The following ATP6V1D variants were observed in gnomAD, a reference collection of about 807,000 sequenced individuals.
ATP6V1D encodes V-type proton ATPase subunit D.
A neutral mutation model predicts 39.4 loss-of-function variants in ATP6V1D; 20 were observed. That is an observed-to-expected ratio of 0.51 (90% CI 0.36 to 0.74). The LOEUF (loss-of-function observed/expected upper bound fraction) is 0.74. Ranked by LOEUF, ATP6V1D falls within the 30% of genes least tolerant of loss-of-function variation. The pLI is 0.00. For synonymous variants in ATP6V1D, 100 were observed against 100.5 expected (o/e 0.99, Z 0.03); for missense variants, 228 against 291.6 (o/e 0.78, Z 1.59).
intron 6 of ATP6V1D, among the ~76,000 whole-genome samples, chr14:67,344,896 CA>C (rs550821782): frequency 6.7e-5 from 10 of 148,870 alleles, no homozygotes; most frequent in Non-Finnish European, 1.5e-4. Context: ...AAAAAACAAA[CA>C]AACAAACAAA....
At position 67,352,958 on chromosome 14, in the gene ATP6V1D, G is replaced by A. The variant is rs777979181; in HGVS notation, c.124C>T (p.Leu42Phe). The A allele has an allele frequency of 2.5e-6, 4 of 1,613,272 alleles. No individual in the cohort carries two copies. The East Asian group carries it at 8.9e-5, about 36-fold the overall frequency. ...LLKKKSDALT[L>F]RFRQILKKII... The stretch of plus-strand genomic sequence containing the variant: ...TTCTTTAGGATCTGTCGAAATCGAA[G>A]AGTTAAGGCATCAGATTTTTTCTTC... The change falls in exon 2 of 9, where the codon CTT becomes TTT. Residue 42 changes from leucine (L) to phenylalanine (F), a missense_variant. By Grantham distance (22) the Leu-to-Phe change is conservative. Transcript: ENST00000216442.
At chr14:67,355,862 T>C (rs559866211) in intron 1 of ATP6V1D, among the ~76,000 whole-genome samples, 3 of 150,270 alleles carry the variant, frequency 2.0e-5, no homozygotes, top group South Asian at 4.2e-4. Context: ...TACCTGGGCA[T>C]GGTAGGGCAC....
At chr14:67,347,498 C>CTA in intron 4 of ATP6V1D, 45 bp from the exon 5 acceptor site, 2 of 1,292,304 alleles carry the variant, frequency 1.5e-6, no homozygotes, top group South Asian at 1.4e-5. Flanking sequence ...CCTTTAAGTT[C>CTA]TCTCTTTTTT....
intron 6 of ATP6V1D, among the ~76,000 whole-genome samples, chr14:67,344,959 G>C (rs536091331): frequency 7.9e-5 from 12 of 151,734 alleles, no homozygotes; most frequent in African/African-American, 2.9e-4. Flanking sequence ...GAAGAAGCAG[G>C]GGCCGGGTGT....
intron 8 of ATP6V1D, among the ~76,000 whole-genome samples, chr14:67,339,630 G>C (rs968793891): frequency 1.3e-5 from 2 of 152,074 alleles, no homozygotes; most frequent in African/African-American, 4.8e-5. Context: ...TTCTCTCCAA[G>C]TGCTGTGCTA....
Position 67,353,005 on chromosome 14 carries a change from G to A in ATP6V1D, c.77C>T (p.Ala26Val), listed in dbSNP as rs761204674. The change falls in exon 2 of 9, where the codon GCA becomes GTA. Residue 26 changes from alanine to valine, a missense_variant. By Grantham distance (64) the Ala-to-Val change is moderately conservative. Around this residue, in one of 3 missense-constraint regions of ATP6V1D, gnomAD observed 104 missense variants for 120.2 expected, o/e 0.87. Transcript: ENST00000216442. Reference protein sequence around the residue: ...QTIMKARLKGAQTGRNLLKKK... With the variant: ...QTIMKARLKGVQTGRNLLKKK... ...CTTCAGGAGGTTTCGACCTGTCTGT[G>A]CTCCCTTTAAACGAGCCTTCATGAT... 1.2e-6 allele frequency: 2 copies of A among 1,613,858 alleles called. No homozygotes were observed. The highest frequency in any genetic ancestry group is 2.7e-5 in the African/African-American group (2 of 74,902).
At chr14:67,358,974 T>C (rs138465628) in intron 1 of ATP6V1D, among the ~76,000 whole-genome samples, 1,703 of 152,270 alleles carry the variant, frequency 0.011, 20 homozygotes, top group Middle Eastern at 0.017. Flanking sequence ...CACAGTCTAG[T>C]GGGAGAGAAA....
In ATP6V1D at chr14:67,353,050, C is replaced by G; in HGVS notation, c.42-10G>C. 6.3e-7 allele frequency: 1 copy of G among 1,588,148 alleles called. No homozygotes were observed. Among genetic ancestry groups the G allele is most frequent in the Non-Finnish European group, 8.6e-7 (1 of 1,166,128 alleles). ...CATGATGGTCTGTGCCCTATATAAACATAAACAAAGTTAAGACATCTATTC... is the reference window on the plus strand; with the variant it reads ...CATGATGGTCTGTGCCCTATATAAAGATAAACAAAGTTAAGACATCTATTC... On this transcript the variant is annotated splice_polypyrimidine_tract_variant and intron_variant, in intron 1 of 8. Coordinates refer to ENST00000216442, the MANE Select transcript of ATP6V1D (RefSeq NM_015994.4).
chr14:67,340,726 C>G (rs535331028), intron 7 of ATP6V1D, among the ~76,000 whole-genome samples: 1 of 152,180 alleles, frequency 6.6e-6, no homozygotes, highest in Non-Finnish European at 1.5e-5. Context: ...GATGCCGAGC[C>G]GAAGCTGGAC....
At chr14:67,340,645 T>G in intron 7 of ATP6V1D, 127 bp from the exon 8 acceptor site, 1 of 784,052 alleles carries the variant, frequency 1.3e-6, no homozygotes. Flanking sequence ...TGCAGAGAAC[T>G]TGGAAAATAA....
chr14:67,354,707 G>A (rs774985669), intron 1 of ATP6V1D, among the ~76,000 whole-genome samples: 2 of 152,210 alleles, frequency 1.3e-5, no homozygotes, highest in Non-Finnish European at 2.9e-5. Context: ...GCAGAGAATA[G>A]TTCTAGAAAG....
At chr14:67,355,829 CAA>C (rs755032476) in intron 1 of ATP6V1D, among the ~76,000 whole-genome samples, 2 of 130,512 alleles carry the variant, frequency 1.5e-5, no homozygotes, top group Admixed American at 7.7e-5. Context: ...CCTGTCTCTA[CAA>C]AAAAAAAAAA....
intron 1 of ATP6V1D, among the ~76,000 whole-genome samples, chr14:67,357,390 C>T (rs2085692654): frequency 6.6e-6 from 1 of 152,188 alleles, no homozygotes; most frequent in Non-Finnish European, 1.5e-5. Flanking sequence ...GACTACATGA[C>T]AAAAAGCCTG....
At position 67,338,657 on chromosome 14, in the gene ATP6V1D, C is replaced by T; in HGVS notation, c.708G>A (p.Leu236=). The T allele has an allele frequency of 6.2e-7, 1 of 1,614,100 alleles. No homozygotes were observed. Among genetic ancestry groups the T allele is most frequent in the Non-Finnish European group, 8.5e-7 (1 of 1,179,986 alleles). ...GAAGATCCTCGTCCTTCTCTTCAGC[C>T]AGAAGATTAGCAGGCTCCAACACCT... ...AGEVLEPANL[L]AEEKDEDLLF... The change falls in exon 9 of 9, where the codon CTG becomes CTA. Residue 236 remains leucine, a synonymous_variant. Transcript: ENST00000216442.
At chr14:67,342,332 T>A (rs954422642) in intron 7 of ATP6V1D, among the ~76,000 whole-genome samples, 2 of 151,902 alleles carry the variant, frequency 1.3e-5, no homozygotes, top group African/African-American at 4.8e-5. Context: ...TTTCTATGCA[T>A]AGATAACCTA....
intron 1 of ATP6V1D, among the ~76,000 whole-genome samples, chr14:67,356,845 G>T (rs897841452): frequency 2.0e-5 from 3 of 152,178 alleles, no homozygotes; most frequent in Non-Finnish European, 2.9e-5. Flanking sequence ...ATCTCAATGT[G>T]TGCATTTAAC....
At chr14:67,353,161 A>G in intron 1 of ATP6V1D, 121 bp from the exon 2 acceptor site, 1 of 716,188 alleles carries the variant, frequency 1.4e-6, no homozygotes. Context: ...GAGACTATAT[A>G]GAGAATTTGT....
Position 67,338,390 on chromosome 14 carries a change from A to G in ATP6V1D, c.*231T>C, listed in dbSNP as rs920122036. Reference sequence around the variant, plus strand: ...ATGGAGTATGATAACGCTTCTGCAAAGTAAATTCTGTAAGTTCCTGGGCAG... The same window carrying G: ...ATGGAGTATGATAACGCTTCTGCAAGGTAAATTCTGTAAGTTCCTGGGCAG... On this transcript the variant is annotated 3_prime_UTR_variant, in exon 9 of 9. Coordinates refer to ENST00000216442, the MANE Select transcript of ATP6V1D (RefSeq NM_015994.4). The G allele has an allele frequency of 4.3e-6, 2 of 465,810 alleles. No individual in the cohort carries two copies. Among genetic ancestry groups the G allele is most frequent in the Non-Finnish European group, 7.6e-6 (2 of 264,746 alleles). 28.9% of individuals were successfully genotyped at this position (465,810 alleles called of 1,614,324 possible).
chr14:67,346,507 G>A (rs1397657673), intron 5 of ATP6V1D, among the ~76,000 whole-genome samples: 2 of 152,182 alleles, frequency 1.3e-5, no homozygotes, highest in African/African-American at 4.8e-5. Flanking sequence ...TGGAGACGGG[G>A]TTTCACCATG....
Sources: allele counts gnomAD v4.1 joint callset (sites outside exome capture counted in the v4.1 genomes callset), GRCh38; gene constraint gnomAD v4.1.1; regional missense constraint gnomAD v4.1.1; transcripts MANE v1.5; gene names NCBI Gene and HGNC (gene_info 2026-07-23, HGNC 2026-07-21).